Variants in HTR7 observed in about 807,000 individuals in gnomAD.
HTR7 encodes 5-hydroxytryptamine receptor 7, also known as 5-HT-7.
HTR7 carries 16 observed loss-of-function variants against 34.0 expected under a neutral mutation model. The observed-to-expected ratio is 0.47, with a 90% CI of 0.32 to 0.71. HTR7 has a LOEUF of 0.71. Among genes scored for constraint, HTR7 ranks in the 30% least tolerant of loss-of-function variants. HTR7 has a pLI of 0.04. For synonymous variants in HTR7, 265 were observed against 260.2 expected (o/e 1.02, Z -0.18); for missense variants, 504 against 625.5 (o/e 0.81, Z 2.07).
rs548685054 is a variant in HTR7 at position 90,843,348 on chromosome 10, T to A, written c.539+13785A>T. Reference sequence around the variant, plus strand: ...GATGATCCCATAAATCATGACTTTATTACAGTTAATTTTACAAACCATTAA... The same window carrying A: ...GATGATCCCATAAATCATGACTTTAATACAGTTAATTTTACAAACCATTAA... On this transcript the variant is annotated intron_variant, in intron 1 of 3. Coordinates refer to ENST00000336152, the MANE Select transcript of HTR7 (RefSeq NM_019859.4). 3.3e-5 allele frequency among the ~76,000 whole-genome samples: 5 copies of A among 152,336 alleles called. No individual in the cohort carries two copies. In the South Asian group the frequency reaches 1.0e-3, roughly 32 times the overall value.
chr10:90,851,207 T>G (rs60483394), intron 1 of HTR7, among the ~76,000 whole-genome samples: 2,795 of 152,322 alleles, frequency 0.018, 98 homozygotes, highest in African/African-American at 0.064. Flanking sequence ...TGGCTGATTT[T>G]TCAACAGAAA....
At position 90,857,480 on chromosome 10, in the gene HTR7, C is replaced by A. The variant is rs779543992; in HGVS notation, c.192G>T (p.Pro64=). The A allele has an allele frequency of 2.2e-5, 35 of 1,613,546 alleles. No individual in the cohort carries two copies. The South Asian group carries it at 3.7e-4, about 17-fold the overall frequency. ...GTTCCCCACAGCCGGAGGCATTGTC[C>A]GGGGGCGCGTCCCAGGTGGGCGCCG... ...ASPAPTWDAP[P]DNASGCGEQI... is the part of the protein sequence containing the mutation. Residue 64 remains proline (P), a synonymous_variant, in exon 1 of 4, where the codon CCG becomes CCT. Transcript: ENST00000336152. The surrounding 1 kb of genome is among the most constrained non-coding windows in gnomAD (Gnocchi z 6.5).
intron 1 of HTR7, among the ~76,000 whole-genome samples, chr10:90,813,614 C>G (rs1429209167): frequency 6.6e-6 from 1 of 151,982 alleles, no homozygotes; most frequent in South Asian, 2.1e-4. Flanking sequence ...AAAATCATTT[C>G]TTTTCTAACA....
intron 1 of HTR7, among the ~76,000 whole-genome samples, chr10:90,761,770 T>C (rs1844941226): frequency 6.6e-6 from 1 of 152,074 alleles, no homozygotes; most frequent in African/African-American, 2.4e-5. Context: ...CAACTAAAAG[T>C]TTGGACCAAC....
chr10:90,786,833 A>G (rs1210157065), intron 1 of HTR7, among the ~76,000 whole-genome samples: 1 of 152,234 alleles, frequency 6.6e-6, no homozygotes, highest in Non-Finnish European at 1.5e-5. Flanking sequence ...TGATACCTCC[A>G]GGAGACCAGC....
chr10:90,830,585 A>G (rs534779488), intron 1 of HTR7, among the ~76,000 whole-genome samples: 4 of 152,252 alleles, frequency 2.6e-5, no homozygotes, highest in African/African-American at 7.2e-5. Context: ...CAGGAGTTTG[A>G]GACCAGCCTG....
At chr10:90,772,488 G>A (rs1479669741) in intron 1 of HTR7, among the ~76,000 whole-genome samples, 1 of 152,098 alleles carries the variant, frequency 6.6e-6, no homozygotes, top group Non-Finnish European at 1.5e-5. Context: ...TCGGTTCAAA[G>A]GATGCTGCTA....
intron 1 of HTR7, among the ~76,000 whole-genome samples, chr10:90,792,910 A>T (rs113814144): frequency 6.6e-6 from 1 of 152,020 alleles, no homozygotes; most frequent in East Asian, 1.9e-4. Flanking sequence ...AAAAAAATGA[A>T]CTGAAGACCT....
Position 90,810,400 on chromosome 10 carries a change from C to T in HTR7, c.539+46733G>A, listed in dbSNP as rs369353758. Among the ~76,000 whole-genome samples, 6 of 152,254 alleles carry T rather than the reference C, an allele frequency of 3.9e-5. No individual in the cohort carries two copies. The South Asian group carries it at 1.2e-3, about 32-fold the overall frequency. ...CATTAAAATCTAATCACCCTTACCC[C>T]ACTCAACGCCAGTATCCCATCCCAC... On this transcript the variant is annotated intron_variant, in intron 1 of 3. Transcript: ENST00000336152.
At chr10:90,794,238 C>A (rs1030164663) in intron 1 of HTR7, among the ~76,000 whole-genome samples, 1 of 152,142 alleles carries the variant, frequency 6.6e-6, no homozygotes, top group African/African-American at 2.4e-5. Context: ...CATCTTGTCC[C>A]ACTGGAAGGT....
intron 1 of HTR7, among the ~76,000 whole-genome samples, chr10:90,855,451 T>C (rs539348613): frequency 3.7e-4 from 57 of 152,340 alleles, no homozygotes; most frequent in Non-Finnish European, 7.9e-4. Context: ...ATTTATCAAC[T>C]GTGAAATTTT....
At position 90,797,011 on chromosome 10, in the gene HTR7, C is replaced by CA. The variant is rs775895700; in HGVS notation, c.540-47418dup. Among the ~76,000 whole-genome samples, 926 of 94,912 alleles carry CA rather than the reference C, an allele frequency of 9.8e-3. 2 individuals are homozygous for CA. The highest frequency in any genetic ancestry group is 0.019 in the African/African-American group (511 of 26,776). The allele number at this position is 94,912 out of a possible 152,430, so 62.3% of individuals were successfully genotyped here. On this transcript the variant is annotated intron_variant, in intron 1 of 3. Transcript: ENST00000336152. ...TGGGCGACAAAGCAAGACTCCGTCT[C>CA]AAAAAAAAAAAAAAACCGACAAATT...
chr10:90,845,500 G>C (rs1320939678), intron 1 of HTR7, among the ~76,000 whole-genome samples: 1 of 152,082 alleles, frequency 6.6e-6, no homozygotes, highest in East Asian at 1.9e-4. Flanking sequence ...TATATGTCTT[G>C]TTCATCTTTG....
chr10:90,789,411 C>T (rs561076434), intron 1 of HTR7, among the ~76,000 whole-genome samples: 52 of 152,148 alleles, frequency 3.4e-4, no homozygotes, highest in Middle Eastern at 3.4e-3. Context: ...ATTTTTTTCT[C>T]TTCTGCCCAC....
chr10:90,758,163 G>A (rs181098819), intron 1 of HTR7, among the ~76,000 whole-genome samples: 2 of 151,750 alleles, frequency 1.3e-5, no homozygotes, highest in African/African-American at 2.4e-5. Context: ...CTGCCAATAC[G>A]GTGAAACCCT....
chr10:90,813,520 T>C, intron 1 of HTR7, among the ~76,000 whole-genome samples: 1 of 121,840 alleles, frequency 8.2e-6, no homozygotes, highest in East Asian at 2.4e-4. Context: ...AGACTCCGTG[T>C]CAAAAAAAAA....
intron 1 of HTR7, among the ~76,000 whole-genome samples, chr10:90,826,695 T>C (rs1350339388): frequency 1.3e-5 from 2 of 152,152 alleles, no homozygotes; most frequent in Non-Finnish European, 2.9e-5. Context: ...CCCAGCACTT[T>C]GGGAGGCTGA....
At chr10:90,778,584 A>G (rs1845258180) in intron 1 of HTR7, among the ~76,000 whole-genome samples, 1 of 152,240 alleles carries the variant, frequency 6.6e-6, no homozygotes, top group Non-Finnish European at 1.5e-5. Flanking sequence ...CAAACAACAG[A>G]AAATAAGCTA....
chr10:90,743,799 C>G, intron 2 of HTR7, 109 bp from the exon 3 acceptor site: 1 of 836,440 alleles, frequency 1.2e-6, no homozygotes, highest in Non-Finnish European at 2.0e-6. Context: ...TATTACCAAT[C>G]TGTGAATACT....
Sources: allele counts gnomAD v4.1 joint callset (sites outside exome capture counted in the v4.1 genomes callset), GRCh38; gene constraint gnomAD v4.1.1; non-coding constraint Gnocchi (gnomAD v3.1); transcripts MANE v1.5; gene names NCBI Gene and HGNC (gene_info 2026-07-23, HGNC 2026-07-21).